SCML4: variants seen among roughly 807,000 people sequenced by gnomAD.
SCML4 encodes the protein Scm polycomb group protein like 4.
A neutral mutation model predicts 41.1 loss-of-function variants in SCML4; 34 were observed. The observed-to-expected ratio is 0.83, with a 90% confidence interval of 0.63 to 1.10. The LOEUF (loss-of-function observed/expected upper bound fraction) is 1.10. Ranked by LOEUF, SCML4 falls within the 50% of genes least tolerant of loss-of-function variation. The probability of loss-of-function intolerance (pLI) is 0.00; values close to 1 mark genes in which losing one functional copy is unlikely to be tolerated. For synonymous variants in SCML4, 214 were observed against 220.9 expected (o/e 0.97, Z 0.28); for missense variants, 522 against 534.1 (o/e 0.98, Z 0.22).
At chr6:107,767,473 A>C (rs1483954684) in intron 2 of SCML4, among the ~76,000 whole-genome samples, 1 of 152,108 alleles carries the variant, frequency 6.6e-6, no homozygotes, top group Non-Finnish European at 1.5e-5. Context: ...TGTGAACTTG[A>C]CTCTCTTGTT....
chr6:107,727,181 T>C (rs1403861993), intron 5 of SCML4, among the ~76,000 whole-genome samples: 2 of 152,158 alleles, frequency 1.3e-5, no homozygotes, highest in Non-Finnish European at 2.9e-5. Context: ...TGATTCTTTT[T>C]ATATAAAATG....
intron 2 of SCML4, among the ~76,000 whole-genome samples, chr6:107,767,627 C>T (rs1341485002): frequency 2.0e-5 from 3 of 152,210 alleles, no homozygotes; most frequent in African/African-American, 7.2e-5. Context: ...TTCCAGTTAA[C>T]AGAAGCCTGT....
chr6:107,779,292 G>A (rs930647388), intron 1 of SCML4, among the ~76,000 whole-genome samples: 11 of 152,112 alleles, frequency 7.2e-5, no homozygotes, highest in African/African-American at 2.7e-4. Context: ...TGGTCTAACA[G>A]GTTTTGTATG....
chr6:107,738,713 T>G (rs1257117032), intron 5 of SCML4, among the ~76,000 whole-genome samples: 1 of 152,076 alleles, frequency 6.6e-6, no homozygotes, highest in Non-Finnish European at 1.5e-5. Context: ...AGGTCTTGCT[T>G]CTAATACAGC....
intron 2 of SCML4, among the ~76,000 whole-genome samples, chr6:107,761,022 G>A (rs1171160532): frequency 5.3e-5 from 8 of 152,114 alleles, no homozygotes; most frequent in African/African-American, 1.9e-4. Context: ...TAATGAGCTC[G>A]AAGATATGTC....
intron 2 of SCML4, chr6:107,755,445 C>T: frequency 5.0e-6 from 1 of 199,122 alleles, no homozygotes. Flanking sequence ...TAAAAAGTAG[C>T]CTAGTGTAGA....
upstream of SCML4, among the ~76,000 whole-genome samples, chr6:107,826,273 AAAG>A (rs1785252811): frequency 7.1e-6 from 1 of 141,842 alleles, no homozygotes; most frequent in Admixed American, 6.8e-5. Context: ...AAGAAAAAGA[AAAG>A]AAGAAAAGAA....
chr6:107,775,694 C>T (rs1343665363), intron 1 of SCML4, among the ~76,000 whole-genome samples: 1 of 151,984 alleles, frequency 6.6e-6, no homozygotes, highest in East Asian at 1.9e-4. Flanking sequence ...TAATTAAATG[C>T]AATCACATTA....
At chr6:107,802,489 G>A (rs1375978865) in intron 1 of SCML4, among the ~76,000 whole-genome samples, 1 of 151,848 alleles carries the variant, frequency 6.6e-6, no homozygotes, top group Non-Finnish European at 1.5e-5. Context: ...ACAGAGGGAA[G>A]GCGGGGTAGG....
intron 1 of SCML4, among the ~76,000 whole-genome samples, chr6:107,802,440 C>T (rs9486716): frequency 0.022 from 3,322 of 151,898 alleles, 120 homozygotes; most frequent in African/African-American, 0.075. Flanking sequence ...GTGGACAGTT[C>T]AAAGACAGTC....
intron 5 of SCML4, among the ~76,000 whole-genome samples, chr6:107,727,940 T>A (rs1776152551): frequency 6.6e-6 from 1 of 152,242 alleles, no homozygotes; most frequent in African/African-American, 2.4e-5. Flanking sequence ...ATGCAGTATC[T>A]GGCATGATGC....
chr6:107,827,094 T>G (rs1785285305), upstream of SCML4, among the ~76,000 whole-genome samples: 1 of 148,850 alleles, frequency 6.7e-6, no homozygotes, highest in African/African-American at 2.4e-5. Context: ...TATATATGTA[T>G]ATATTTAAGT....
At chr6:107,843,774 C>A in the SCML4 span, among the ~76,000 whole-genome samples, 3 of 152,122 alleles carry the variant, frequency 2.0e-5, no homozygotes, top group Non-Finnish European at 4.4e-5. Flanking sequence ...CTTCCAGAAA[C>A]CAGTTAGAGG....
At chr6:107,829,305 G>A (rs1785333981), upstream of SCML4, among the ~76,000 whole-genome samples, 1 of 151,998 alleles carries the variant, frequency 6.6e-6, no homozygotes, top group Non-Finnish European at 1.5e-5. Flanking sequence ...AGGAATGCTT[G>A]AGCAGTGGGG....
At chr6:107,794,686 C>T (rs1212766104) in intron 1 of SCML4, among the ~76,000 whole-genome samples, 2 of 152,094 alleles carry the variant, frequency 1.3e-5, no homozygotes, top group South Asian at 2.1e-4. Context: ...ACTTCGATAA[C>T]CTAGCTGAGT....
intron 6 of SCML4, among the ~76,000 whole-genome samples, chr6:107,715,044 G>A (rs866484161): frequency 1.1e-4 from 17 of 149,464 alleles, no homozygotes; most frequent in Middle Eastern, 6.9e-3. Context: ...GCATGATCTC[G>A]GCTCAGTGCA....
the SCML4 span, among the ~76,000 whole-genome samples, chr6:107,837,512 G>C: frequency 3.3e-5 from 5 of 152,124 alleles, no homozygotes; most frequent in African/African-American, 4.8e-5. Flanking sequence ...CATAATGGCA[G>C]GTGCCTTTCC....
intron 1 of SCML4, among the ~76,000 whole-genome samples, chr6:107,806,397 C>T (rs1783733010): frequency 6.6e-6 from 1 of 152,180 alleles, no homozygotes; most frequent in Non-Finnish European, 1.5e-5. Context: ...TTCCATGTGC[C>T]CTGCCTATCC....
intron 5 of SCML4, among the ~76,000 whole-genome samples, chr6:107,735,909 C>T (rs1404229373): frequency 6.6e-6 from 1 of 152,160 alleles, no homozygotes; most frequent in Non-Finnish European, 1.5e-5. Context: ...CTCCATAACT[C>T]GTCTTGTAAA....
Sources: allele counts gnomAD v4.1 joint callset (sites outside exome capture counted in the v4.1 genomes callset), GRCh38; gene constraint gnomAD v4.1.1; transcripts MANE v1.5; gene names NCBI Gene and HGNC (gene_info 2026-07-23, HGNC 2026-07-21).